The following AUTS2 variants were observed in gnomAD, a reference collection of about 807,000 sequenced individuals.
AUTS2 encodes the protein autism susceptibility gene 2 protein.
AUTS2 carries 17 observed loss-of-function variants against 112.4 expected under a neutral mutation model. The ratio of observed to expected loss-of-function variants is 0.15; its 90% CI spans 0.10 to 0.23. The LOEUF (loss-of-function observed/expected upper bound fraction) is 0.23. Ranked by LOEUF, AUTS2 falls within the 10% of genes least tolerant of loss-of-function variation. AUTS2 has a pLI of 1.00. For missense variants in AUTS2, 1,510 were observed against 1,701.6 expected, an observed-to-expected ratio of 0.89 and a Z score of 1.98; for synonymous variants, 751 against 702.7, an observed-to-expected ratio of 1.07 and a Z score of -1.09.
chr7:70,155,462 CTT>C (rs112695108), intron 4 of AUTS2, among the ~76,000 whole-genome samples: 1 of 137,678 alleles, frequency 7.3e-6, no homozygotes, highest in African/African-American at 2.7e-5. Flanking sequence ...GGGCCCTTGA[CTT>C]TTTTTTTTTT....
chr7:70,757,308 G>T (rs1161631971), intron 6 of AUTS2, among the ~76,000 whole-genome samples: 2 of 151,962 alleles, frequency 1.3e-5, no homozygotes, highest in East Asian at 3.9e-4. Context: ...GTTGGTTGTG[G>T]TTTTTCTTTA....
intron 6 of AUTS2, among the ~76,000 whole-genome samples, chr7:70,709,249 C>T (rs140550588): frequency 2.8e-3 from 425 of 152,082 alleles, no homozygotes; most frequent in African/African-American, 9.4e-3. Context: ...GTTGGCCCAC[C>T]GCAAGGAGGT....
chr7:70,457,282 T>C (rs974673070), intron 5 of AUTS2, among the ~76,000 whole-genome samples: 1 of 152,206 alleles, frequency 6.6e-6, no homozygotes, highest in Admixed American at 6.5e-5. Context: ...CCCCGTGGAA[T>C]GGTTTAATTA....
intron 2 of AUTS2, among the ~76,000 whole-genome samples, chr7:69,990,679 G>A (rs1417903836): frequency 5.3e-5 from 8 of 152,186 alleles, no homozygotes. Context: ...ATATCCACTG[G>A]AATGTTAGCT....
At chr7:69,959,345 C>G (rs1179951507) in intron 2 of AUTS2, among the ~76,000 whole-genome samples, 1 of 152,110 alleles carries the variant, frequency 6.6e-6, no homozygotes, top group East Asian at 1.9e-4. Context: ...TCAGTTCTCT[C>G]AAAAATCCTT....
intron 1 of AUTS2, among the ~76,000 whole-genome samples, chr7:69,798,120 T>A (rs1789927859): frequency 6.6e-6 from 1 of 152,194 alleles, no homozygotes; most frequent in Non-Finnish European, 1.5e-5. Context: ...GACAGGCATT[T>A]TCCAGACTTT....
intron 5 of AUTS2, among the ~76,000 whole-genome samples, chr7:70,471,030 G>A (rs1325827105): frequency 2.0e-5 from 3 of 152,244 alleles, no homozygotes; most frequent in East Asian, 3.9e-4. Flanking sequence ...CAGGCCAAGC[G>A]AGCCGGGCTC....
intron 5 of AUTS2, among the ~76,000 whole-genome samples, chr7:70,595,328 C>A (rs1336981296): frequency 6.6e-6 from 1 of 152,138 alleles, no homozygotes. Flanking sequence ...AGTTTGCATG[C>A]CCACTCCGTT....
intron 2 of AUTS2, among the ~76,000 whole-genome samples, chr7:70,112,933 C>A (rs1163549112): frequency 6.6e-6 from 1 of 151,932 alleles, no homozygotes; most frequent in African/African-American, 2.4e-5. Context: ...TTCCCTTTCT[C>A]TATTATGATT....
intron 1 of AUTS2, among the ~76,000 whole-genome samples, chr7:69,635,577 T>C (rs1340238791): frequency 6.6e-6 from 1 of 152,228 alleles, no homozygotes; most frequent in Admixed American, 6.5e-5. Flanking sequence ...TGGGCCCTAA[T>C]TCAGCGTCCT....
At chr7:70,186,020 C>T (rs1809585727) in intron 4 of AUTS2, among the ~76,000 whole-genome samples, 1 of 152,086 alleles carries the variant, frequency 6.6e-6, no homozygotes, top group Non-Finnish European at 1.5e-5. Flanking sequence ...GAGATAATTG[C>T]AGGATATATT....
At chr7:70,141,402 G>A (rs1455239496) in intron 4 of AUTS2, among the ~76,000 whole-genome samples, 3 of 152,126 alleles carry the variant, frequency 2.0e-5, no homozygotes, top group African/African-American at 7.2e-5. Flanking sequence ...GTAGGAAAAT[G>A]GTGAGTTTGG....
At chr7:70,452,063 C>T (rs1796556135) in intron 5 of AUTS2, among the ~76,000 whole-genome samples, 1 of 152,210 alleles carries the variant, frequency 6.6e-6, no homozygotes, top group African/African-American at 2.4e-5. Context: ...TGCTGTGTGA[C>T]TGCGGCCTTG....
Position 70,667,944 on chromosome 7 carries a change from G to A in AUTS2, c.691-30625G>A, listed in dbSNP as rs62456810. On this transcript the variant is annotated intron_variant, in intron 5 of 18. Transcript: ENST00000342771. ...TCTAGCATGCATCACGATCACTGGG[G>A]GTCTCCCTAAAATGCACATTCTGCC... 1.1e-3 allele frequency among the ~76,000 whole-genome samples: 173 copies of A among 152,286 alleles called. 1 individual carries two copies. Among genetic ancestry groups the A allele is most frequent in the Non-Finnish European group, 1.9e-3 (131 of 68,020 alleles).
chr7:69,626,268 T>C (rs1793939736), intron 1 of AUTS2, among the ~76,000 whole-genome samples: 1 of 152,224 alleles, frequency 6.6e-6, no homozygotes, highest in Non-Finnish European at 1.5e-5. Flanking sequence ...ATTGTAATTT[T>C]GCATAGTAAC....
chr7:70,653,222 A>G (rs1326448373), intron 5 of AUTS2, among the ~76,000 whole-genome samples: 3 of 152,178 alleles, frequency 2.0e-5, no homozygotes, highest in Admixed American at 6.5e-5. Context: ...AGCTTGGGCA[A>G]TAGAGTGAGA....
At chr7:69,693,021 T>C (rs929757010) in intron 1 of AUTS2, among the ~76,000 whole-genome samples, 2 of 152,232 alleles carry the variant, frequency 1.3e-5, no homozygotes, top group Admixed American at 6.5e-5. Context: ...TCAAGTGTTA[T>C]GGTAGATGGA....
chr7:70,044,133 A>G (rs1480994804), intron 2 of AUTS2, among the ~76,000 whole-genome samples: 1 of 152,018 alleles, frequency 6.6e-6, no homozygotes, highest in Non-Finnish European at 1.5e-5. Context: ...AAGGCACAAC[A>G]GCTCCCAGCA....
intron 6 of AUTS2, among the ~76,000 whole-genome samples, chr7:70,762,167 C>T (rs1326137067): frequency 6.6e-6 from 1 of 152,196 alleles, no homozygotes; most frequent in Non-Finnish European, 1.5e-5. Flanking sequence ...AAACACTTCT[C>T]TTTTGTATGT....
Sources: allele counts gnomAD v4.1 joint callset (sites outside exome capture counted in the v4.1 genomes callset), GRCh38; gene constraint gnomAD v4.1.1; transcripts MANE v1.5; gene names NCBI Gene and HGNC (gene_info 2026-07-23, HGNC 2026-07-21).